Variants in NUP85 observed in about 807,000 individuals in gnomAD.
NUP85 encodes nuclear pore complex protein Nup85.
Under a neutral mutation model 92.8 loss-of-function variants are expected in NUP85, and 23 were observed. That is an observed-to-expected ratio of 0.25 (90% CI 0.18 to 0.35). NUP85 has a LOEUF of 0.35. Ranked by LOEUF, NUP85 falls within the 10% of genes least tolerant of loss-of-function variation. The pLI is 1.00. For missense variants in NUP85, 759 were observed against 822.8 expected (o/e 0.92, Z 0.95); for synonymous variants, 314 against 306.9 (o/e 1.02, Z -0.24).
At chr17:75,232,629 T>A (rs749406059) in intron 14 of NUP85, among the ~76,000 whole-genome samples, 7 of 152,038 alleles carry the variant, frequency 4.6e-5, no homozygotes, top group Non-Finnish European at 1.0e-4. Context: ...CCACACACAC[T>A]CATAGAGCCA....
intron 11 of NUP85, chr17:75,227,124 G>T (rs1281392651): frequency 6.3e-6 from 1 of 157,618 alleles, no homozygotes; most frequent in African/African-American, 2.4e-5. Flanking sequence ...TGGGAAGGGA[G>T]GAAGTGGGTA....
At chr17:75,222,526 A>G in intron 7 of NUP85, among the ~76,000 whole-genome samples, 7 of 63,586 alleles carry the variant, frequency 1.1e-4, no homozygotes, top group African/African-American at 1.8e-4. Context: ...TTTTTTTTTG[A>G]GATAGAGTTT....
At chr17:75,220,917 T>A (rs989950086) in intron 7 of NUP85, among the ~76,000 whole-genome samples, 1 of 144,930 alleles carries the variant, frequency 6.9e-6, no homozygotes, top group African/African-American at 2.5e-5. Flanking sequence ...AGTCTCGCTC[T>A]ATTGCCCAGG....
intron 3 of NUP85, among the ~76,000 whole-genome samples, chr17:75,210,467 G>T (rs773006492): frequency 4.6e-5 from 7 of 151,956 alleles, no homozygotes; most frequent in Non-Finnish European, 1.0e-4. Context: ...TAGACTTTTG[G>T]GACCCACCTC....
chr17:75,227,379 A>C (rs1598322444), intron 11 of NUP85, among the ~76,000 whole-genome samples: 1 of 132,638 alleles, frequency 7.5e-6, no homozygotes, highest in Admixed American at 8.7e-5. Context: ...CTTGTCACCC[A>C]GACTGGAGTG....
chr17:75,208,664 G>T (rs764511431), intron 2 of NUP85, 44 bp downstream of exon 2: 2 of 1,125,712 alleles, frequency 1.8e-6, no homozygotes, highest in Non-Finnish European at 2.7e-6. Flanking sequence ...GGCACATTTG[G>T]TTGTTTTTCT....
rs1338417835 is a variant in NUP85, at chr17:75,231,745, G to A, written c.1245-83G>A. The stretch of plus-strand genomic sequence containing the variant: ...AGTTGGCTCCTTGAAGGCTTCGGAA[G>A]GGTCAGTGAAAGGGAGCTGTAGGTG... On this transcript the variant is annotated intron_variant, in intron 13 of 18. Transcript: ENST00000245544. This position sits in a 1 kb window ranked among gnomAD's most constrained non-coding sequence, Gnocchi z 4.6. The A allele has an allele frequency of 1.2e-6, 2 of 1,606,104 alleles. No homozygotes were observed. Among genetic ancestry groups the A allele is most frequent in the South Asian group, 1.1e-5 (1 of 90,756 alleles).
intron 4 of NUP85, 51 bp from the exon 5 acceptor site, chr17:75,213,025 A>G: frequency 6.4e-7 from 1 of 1,560,646 alleles, no homozygotes; most frequent in Non-Finnish European, 8.8e-7. Flanking sequence ...CAGCTATGAC[A>G]ATAAGCCTAA....
intron 16 of NUP85, among the ~76,000 whole-genome samples, chr17:75,233,371 C>T (rs1022149794): frequency 3.5e-4 from 39 of 112,852 alleles, no homozygotes; most frequent in African/African-American, 1.1e-3. Context: ...GTTTGTTTTT[C>T]TTTCTTTCTC....
intron 4 of NUP85, among the ~76,000 whole-genome samples, chr17:75,212,637 T>A (rs1353657301): frequency 6.6e-6 from 1 of 152,042 alleles, no homozygotes; most frequent in African/African-American, 2.4e-5. Context: ...CATGCCCAGC[T>A]AATTTAAACA....
At chr17:75,228,111 T>C in intron 11 of NUP85, 2 of 776,548 alleles carry the variant, frequency 2.6e-6, no homozygotes, top group Non-Finnish European at 3.1e-6. Context: ...GTTATAACAG[T>C]GAGTGAGTTT....
At chr17:75,206,905 C>T (rs967547230) in intron 1 of NUP85, among the ~76,000 whole-genome samples, 29 of 151,964 alleles carry the variant, frequency 1.9e-4, no homozygotes, top group Non-Finnish European at 3.2e-4. Flanking sequence ...GACGGGGTTT[C>T]ACCGTGTTGG....
In NUP85 at chr17:75,235,572, T is replaced by C; in HGVS notation, c.1870-6T>C. ...TTAGCTCATGCTGGCGCTCTCTGCT[T>C]TGCAGGATGATGACATAGAGACCAC... On this transcript the variant is annotated splice_region_variant and splice_polypyrimidine_tract_variant and intron_variant, in intron 18 of 18. Coordinates refer to ENST00000245544, the MANE Select transcript of NUP85 (RefSeq NM_024844.5). The C allele has an allele frequency of 2.5e-6, 4 of 1,609,830 alleles. No individual in the cohort carries two copies. The highest frequency in any genetic ancestry group is 3.4e-6 in the Non-Finnish European group (4 of 1,176,076).
chr17:75,209,202 T>C (rs113529745), intron 2 of NUP85, among the ~76,000 whole-genome samples: 3 of 152,154 alleles, frequency 2.0e-5, no homozygotes, highest in African/African-American at 4.8e-5. Flanking sequence ...TTGCAGATGC[T>C]TGGCCGTCAC....
At chr17:75,221,494 C>A (rs2075598013) in intron 7 of NUP85, among the ~76,000 whole-genome samples, 1 of 152,094 alleles carries the variant, frequency 6.6e-6, no homozygotes, top group Admixed American at 6.6e-5. Context: ...CCTTGGCCTC[C>A]CAAAGTATTG....
rs2076261857 is a variant in NUP85, at chr17:75,234,805, CAGT to C, written c.1767+18_1767+20del. The stretch of plus-strand genomic sequence containing the variant: ...CAGAAACAGGTGAAGGTTGCAGCAG[CAGT>C]GGTTTTCTTTGCTTGTCAGTCCCTG... On this transcript the variant is annotated intron_variant, in intron 17 of 18. Coordinates refer to ENST00000245544, the MANE Select transcript of NUP85 (RefSeq NM_024844.5). The C allele has an allele frequency of 6.2e-7, 1 of 1,613,758 alleles. No homozygotes were observed. The highest frequency in any genetic ancestry group is 1.3e-5 in the African/African-American group (1 of 74,828).
intron 1 of NUP85, among the ~76,000 whole-genome samples, chr17:75,207,859 G>C (rs977905387): frequency 1.4e-4 from 22 of 151,894 alleles, no homozygotes; most frequent in African/African-American, 4.8e-4. Context: ...GTTTGGTGGC[G>C]CGTGCCTGTA....
rs1179162899 is a variant in NUP85, at chr17:75,227,525, CAG to C, written c.1094+1369_1094+1370del. On this transcript the variant is annotated intron_variant, in intron 11 of 18. Transcript: ENST00000245544. ...AAATTTTTGTGTTTTTCAATAGAGA[CAG>C]GGTTTCACCATGTTGCCTAGGCAGG... Among the ~76,000 whole-genome samples the C allele has an allele frequency of 2.0e-5, 3 of 151,940 alleles. No individual in the cohort carries two copies. In the East Asian group the frequency reaches 5.8e-4, roughly 29 times the overall value.
At chr17:75,216,354 C>T (rs7222849) in intron 6 of NUP85, 98,723 of 152,280 alleles carry the variant, frequency 0.65, 35,657 homozygotes, top group East Asian at 0.87. Flanking sequence ...CAACCTCCAC[C>T]TCCTGGGTTC....
Sources: gnomAD v4.1 joint callset for allele counts (sites outside exome capture counted in the v4.1 genomes callset) on GRCh38, gnomAD v4.1.1 for gene constraint, Gnocchi (gnomAD v3.1) non-coding constraint, MANE v1.5 for transcripts, NCBI Gene and HGNC (gene_info 2026-07-23, HGNC 2026-07-21) for gene names.